PRKAR1B: variants seen among roughly 807,000 people sequenced by gnomAD.
The protein encoded by PRKAR1B is protein kinase cAMP-dependent type I regulatory subunit beta.
PRKAR1B carries 22 observed loss-of-function variants against 46.5 expected under a neutral mutation model. That is an observed-to-expected ratio of 0.47 (90% CI 0.34 to 0.68). The LOEUF (loss-of-function observed/expected upper bound fraction) is 0.68, where lower values mean the gene tolerates loss of function less well. PRKAR1B is among the 30% of genes least tolerant of loss of function. PRKAR1B has a pLI of 0.01. For synonymous variants in PRKAR1B, 259 were observed against 217.7 expected (o/e 1.19, Z -1.67); for missense variants, 445 against 535.6 (o/e 0.83, Z 1.67).
intron 9 of PRKAR1B, among the ~76,000 whole-genome samples, chr7:575,453 C>T (rs1779765034): frequency 1.3e-5 from 2 of 152,212 alleles, no homozygotes; most frequent in Admixed American, 1.3e-4. Flanking sequence ...CAAGTGTGTA[C>T]CTAAGCCAGC....
chr7:559,496 G>A (rs1778654915), intron 9 of PRKAR1B, among the ~76,000 whole-genome samples: 2 of 152,186 alleles, frequency 1.3e-5, no homozygotes, highest in Non-Finnish European at 2.9e-5. Context: ...GGTGCAGGAA[G>A]GGCTCCCCGA....
At chr7:613,673 G>A (rs1290049449) in intron 4 of PRKAR1B, among the ~76,000 whole-genome samples, 9 of 152,256 alleles carry the variant, frequency 5.9e-5, no homozygotes, top group East Asian at 1.9e-4. Context: ...CTCCCACTAC[G>A]AGGGCCCACC....
chr7:666,958 C>T lies in PRKAR1B; in HGVS notation c.440+10271G>A, dbSNP rs1456091052. Among the ~76,000 whole-genome samples the T allele has an allele frequency of 2.0e-5, 3 of 151,886 alleles. No individual in the cohort carries two copies. The highest frequency in any genetic ancestry group is 4.8e-5 in the African/African-American group (2 of 41,314). Reference sequence around the variant, plus strand: ...ATGACCACAACAGTGATGATGATGGCGGTGATGATGATGATGGTGATGATA... The same window carrying T: ...ATGACCACAACAGTGATGATGATGGTGGTGATGATGATGATGGTGATGATA... On this transcript the variant is annotated intron_variant, in intron 4 of 10. Coordinates refer to ENST00000537384, the MANE Select transcript of PRKAR1B (RefSeq NM_001164760.2). This position sits in a 1 kb window ranked among gnomAD's most constrained non-coding sequence, Gnocchi z 4.9.
chr7:662,392 C>A (rs1785643919), intron 4 of PRKAR1B, among the ~76,000 whole-genome samples: 1 of 139,116 alleles, frequency 7.2e-6, no homozygotes, highest in South Asian at 2.6e-4. Context: ...ACTCTTCCCT[C>A]CATGGCACAG....
At chr7:662,133 T>C (rs397844341) in intron 4 of PRKAR1B, among the ~76,000 whole-genome samples, 2 of 61,170 alleles carry the variant, frequency 3.3e-5, no homozygotes, top group East Asian at 6.3e-4. Context: ...GTCCAAATAC[T>C]TACTCTTTCC....
At chr7:648,526 A>G (rs983697438) in intron 4 of PRKAR1B, among the ~76,000 whole-genome samples, 1 of 152,084 alleles carries the variant, frequency 6.6e-6, no homozygotes, top group Non-Finnish European at 1.5e-5. Context: ...CGGGAGAATC[A>G]CTTGAACCCA....
chr7:604,148 C>T (rs1447022997), intron 6 of PRKAR1B, among the ~76,000 whole-genome samples: 1 of 152,206 alleles, frequency 6.6e-6, no homozygotes, highest in Non-Finnish European at 1.5e-5. Flanking sequence ...GTCTGGATAC[C>T]AGGCACAACG....
Position 601,608 on chromosome 7 carries a change from GCGCCCGGCCC to G in PRKAR1B, c.549+4575_549+4584del, listed in dbSNP as rs941192854. Among the ~76,000 whole-genome samples the G allele has an allele frequency of 2.1e-4, 32 of 152,342 alleles. No individual in the cohort carries two copies. In the South Asian group the frequency reaches 2.5e-3, roughly 12 times the overall value. On this transcript the variant is annotated intron_variant, in intron 6 of 10. Coordinates refer to ENST00000537384, the MANE Select transcript of PRKAR1B (RefSeq NM_001164760.2). ...AGGAGGGCCCCTGCAGGCAGCTCCTGCGCCCGGCCCCGCCCGGCCCCGCCGGGCACTCCCT... is the reference window on the plus strand; with the variant it reads ...AGGAGGGCCCCTGCAGGCAGCTCCTGCGCCCGGCCCCGCCGGGCACTCCCT...
intron 1 of PRKAR1B, chr7:726,743 AG>A: frequency 8.0e-7 from 1 of 1,244,648 alleles, no homozygotes; most frequent in Non-Finnish European, 1.0e-6. Flanking sequence ...GGGGTGGCGG[AG>A]GCCGTGGCGG....
chr7:570,631 G>A (rs1779450595), intron 9 of PRKAR1B, among the ~76,000 whole-genome samples: 1 of 152,154 alleles, frequency 6.6e-6, no homozygotes, highest in South Asian at 2.1e-4. Flanking sequence ...TCGCCACGTG[G>A]CACGGCCCTC....
At chr7:561,608 G>A (rs376036603) in intron 9 of PRKAR1B, among the ~76,000 whole-genome samples, 6 of 152,244 alleles carry the variant, frequency 3.9e-5, no homozygotes, top group East Asian at 1.9e-4. Context: ...TCCCCTGCCC[G>A]CTCCTCAGGC....
chr7:611,591 C>T lies in PRKAR1B; in HGVS notation c.441-4139G>A, dbSNP rs185394469. 4.6e-5 allele frequency among the ~76,000 whole-genome samples: 7 copies of T among 152,350 alleles called. No homozygotes were observed. The East Asian group carries it at 1.2e-3, about 25-fold the overall frequency. ...TGCTTCTCACTCCACGGATGGCTTC[C>T]GCCTCCCACAGCTGACTGAGCTCTC... is the stretch of plus-strand genomic sequence containing the variant. On this transcript the variant is annotated intron_variant, in intron 4 of 10. Transcript: ENST00000537384.
At chr7:575,032 C>T (rs1161363994) in intron 9 of PRKAR1B, among the ~76,000 whole-genome samples, 4 of 152,194 alleles carry the variant, frequency 2.6e-5, no homozygotes, top group East Asian at 1.9e-4. Flanking sequence ...ATTTCAGTAG[C>T]GAGAACTGGT....
intron 2 of PRKAR1B, among the ~76,000 whole-genome samples, chr7:704,154 TGAA>T (rs1222095018): frequency 6.6e-6 from 1 of 151,886 alleles, no homozygotes; most frequent in African/African-American, 2.4e-5. Context: ...AGAAATTTTA[TGAA>T]GAACAGATAA....
chr7:659,274 G>T lies in PRKAR1B; in HGVS notation c.440+17955C>A, dbSNP rs536396917. 2.6e-5 allele frequency among the ~76,000 whole-genome samples: 4 copies of T among 152,310 alleles called. No individual in the cohort carries two copies. In the South Asian group the frequency reaches 8.3e-4, roughly 32 times the overall value. ...AGCTCAGTAAAGCCAGGTACGGTAG[G>T]GGGTGGTCTGTGTTGCGCATGCAGT... On this transcript the variant is annotated intron_variant, in intron 4 of 10. Transcript: ENST00000537384.
chr7:589,443 C>T (rs1780855391), intron 7 of PRKAR1B, among the ~76,000 whole-genome samples: 1 of 151,952 alleles, frequency 6.6e-6, no homozygotes, highest in Admixed American at 6.6e-5. Flanking sequence ...AAGATTCCTC[C>T]TCCTCCCAGA....
At chr7:721,410 G>A (rs1781067192) in intron 1 of PRKAR1B, among the ~76,000 whole-genome samples, 1 of 152,166 alleles carries the variant, frequency 6.6e-6, no homozygotes, top group South Asian at 2.1e-4. Flanking sequence ...ACTTTGGGGG[G>A]CATTGAGGCA....
At chr7:558,521 C>T (rs1383565066) in intron 9 of PRKAR1B, among the ~76,000 whole-genome samples, 2 of 151,780 alleles carry the variant, frequency 1.3e-5, no homozygotes, top group Non-Finnish European at 2.9e-5. Flanking sequence ...TTTGGGAGGC[C>T]GAGGTGGGCA....
chr7:654,262 C>A lies in PRKAR1B; in HGVS notation c.440+22967G>T, dbSNP rs527250036. On this transcript the variant is annotated intron_variant, in intron 4 of 10. Coordinates refer to ENST00000537384, the MANE Select transcript of PRKAR1B (RefSeq NM_001164760.2). Reference sequence around the variant, plus strand: ...CCATCCTCATCACCATCATCACCATCCTCATCACCATCTTCACCACCATCA... The same window carrying A: ...CCATCCTCATCACCATCATCACCATACTCATCACCATCTTCACCACCATCA... Among the ~76,000 whole-genome samples the A allele has an allele frequency of 7.9e-5, 12 of 151,464 alleles. No homozygotes were observed. The South Asian group carries it at 2.5e-3, about 32-fold the overall frequency.
Sources: gnomAD v4.1 joint callset for allele counts (sites outside exome capture counted in the v4.1 genomes callset) on GRCh38, gnomAD v4.1.1 for gene constraint, Gnocchi (gnomAD v3.1) non-coding constraint, MANE v1.5 for transcripts, NCBI Gene and HGNC (gene_info 2026-07-23, HGNC 2026-07-21) for gene names.